EML5: variants seen among roughly 807,000 people sequenced by gnomAD.
EML5 encodes the protein echinoderm microtubule-associated protein-like 5.
EML5 carries 120 observed loss-of-function variants against 250.0 expected under a neutral mutation model. The observed-to-expected ratio is 0.48, with a 90% confidence interval of 0.41 to 0.56. The LOEUF (loss-of-function observed/expected upper bound fraction) is 0.56. Among genes scored for constraint, EML5 ranks in the 20% least tolerant of loss-of-function variants. The pLI is 0.00. For missense variants in EML5, 2,006 were observed against 2,437.6 expected, an observed-to-expected ratio of 0.82 and a Z score of 3.73; for synonymous variants, 771 against 806.5, an observed-to-expected ratio of 0.96 and a Z score of 0.75.
At chr14:88,677,367 C>T (rs559540744) in intron 21 of EML5, among the ~76,000 whole-genome samples, 20 of 152,146 alleles carry the variant, frequency 1.3e-4, no homozygotes, top group Non-Finnish European at 2.4e-4. Flanking sequence ...AAAATCTAGG[C>T]AATACCATTC....
intron 5 of EML5, 88 bp from the exon 6 acceptor site, chr14:88,739,102 A>G (rs1056713915): frequency 2.3e-5 from 29 of 1,276,768 alleles, no homozygotes; most frequent in Non-Finnish European, 2.8e-5. Context: ...AACCAATTTA[A>G]CAATATTTTG....
intron 17 of EML5, among the ~76,000 whole-genome samples, chr14:88,690,319 T>C (rs1237132695): frequency 1.3e-5 from 2 of 152,226 alleles, no homozygotes; most frequent in Non-Finnish European, 2.9e-5. Context: ...TCATTCTGAC[T>C]TCTGGATTGA....
At chr14:88,645,967 T>C (rs2091329797) in intron 29 of EML5, among the ~76,000 whole-genome samples, 1 of 152,154 alleles carries the variant, frequency 6.6e-6, no homozygotes, top group African/African-American at 2.4e-5. Context: ...TTTAATTTTT[T>C]TAAAAAATGC....
chr14:88,770,349 G>C (rs2094377400), intron 1 of EML5, among the ~76,000 whole-genome samples: 1 of 151,958 alleles, frequency 6.6e-6, no homozygotes, highest in Non-Finnish European at 1.5e-5. Context: ...GCTTTTTCTA[G>C]AAATTTTATA....
chr14:88,640,925 C>G (rs1038446781), intron 31 of EML5, among the ~76,000 whole-genome samples: 1 of 151,910 alleles, frequency 6.6e-6, no homozygotes, highest in Non-Finnish European at 1.5e-5. Flanking sequence ...CTATTATGAA[C>G]ACCTCTAAAT....
chr14:88,688,307 A>C lies in EML5; in HGVS notation c.2706T>G (p.His902Gln), dbSNP rs554955477. 1 of 1,613,828 alleles carries C rather than the reference A, an allele frequency of 6.2e-7. No homozygotes were observed. Residue 902 changes from histidine to glutamine, a missense_variant, in exon 18 of 44, where the codon CAT becomes CAG. By Grantham distance (24) the His-to-Gln change is conservative. Coordinates refer to ENST00000554922, the MANE Select transcript of EML5 (RefSeq NM_183387.3). ...CATGCATACTGAACACTGGCCCATC[A>C]TGCGCTTTCACTGTTTTTACAAGAA... ...DIFLVKTVKAHDGPVFSMHAL... is the reference protein window; with the variant it reads ...DIFLVKTVKAQDGPVFSMHAL...
intron 21 of EML5, among the ~76,000 whole-genome samples, chr14:88,670,488 C>G (rs920146502): frequency 2.0e-4 from 31 of 152,118 alleles, no homozygotes; most frequent in African/African-American, 7.0e-4. Flanking sequence ...GCTGCAAACT[C>G]AAAAAGCCAG....
At chr14:88,702,680 G>T in intron 13 of EML5, 48 bp from the exon 14 acceptor site, 1 of 1,324,820 alleles carries the variant, frequency 7.5e-7, no homozygotes, top group South Asian at 1.5e-5. Flanking sequence ...CCTTTTATCT[G>T]ATCAATACAG....
intron 8 of EML5, among the ~76,000 whole-genome samples, chr14:88,723,443 G>A (rs938027830): frequency 1.3e-5 from 2 of 152,162 alleles, no homozygotes; most frequent in Non-Finnish European, 2.9e-5. Flanking sequence ...ACAGGGATTA[G>A]GAGTACAGGT....
intron 1 of EML5, among the ~76,000 whole-genome samples, chr14:88,763,053 G>A: frequency 6.6e-6 from 1 of 152,180 alleles, no homozygotes; most frequent in East Asian, 1.9e-4. Context: ...ACAGGTGAAA[G>A]TGGGAAAGAT....
At chr14:88,774,330 T>TA (rs1219450539) in intron 1 of EML5, among the ~76,000 whole-genome samples, 1 of 152,220 alleles carries the variant, frequency 6.6e-6, no homozygotes, top group Non-Finnish European at 1.5e-5. Flanking sequence ...GTCATTTTTT[T>TA]AATAACCAAG....
At chr14:88,662,339 GTTTTTTTTTTTTT>G (rs71127000) in intron 24 of EML5, among the ~76,000 whole-genome samples, 4 of 55,658 alleles carry the variant, frequency 7.2e-5, no homozygotes, top group African/African-American at 2.6e-4. Context: ...AATTTTTCTT[GTTTTTTTTTTTTT>G]TTTTTTTTTT....
chr14:88,693,937 ATTT>A (rs546736691), intron 17 of EML5, among the ~76,000 whole-genome samples: 1 of 137,252 alleles, frequency 7.3e-6, no homozygotes, highest in Non-Finnish European at 1.6e-5. Context: ...TGCCCAGCTA[ATTT>A]TTTTTTTTTT....
At chr14:88,720,945 A>C (rs1466109553) in intron 8 of EML5, among the ~76,000 whole-genome samples, 1 of 152,178 alleles carries the variant, frequency 6.6e-6, no homozygotes. Context: ...ATATAAAATC[A>C]ATGTGTAAAA....
chr14:88,622,523 A>C, intron 37 of EML5, 81 bp downstream of exon 37: 1 of 1,109,462 alleles, frequency 9.0e-7, no homozygotes, highest in Non-Finnish European at 1.3e-6. Context: ...ATTGTTCATT[A>C]GGCTGCAAAG....
intron 14 of EML5, among the ~76,000 whole-genome samples, chr14:88,699,586 T>C (rs891329588): frequency 9.2e-5 from 14 of 151,882 alleles, no homozygotes; most frequent in Admixed American, 8.5e-4. Flanking sequence ...ATGGGAAAAA[T>C]GGATAGAGGA....
Position 88,686,051 on chromosome 14 carries a change from C to T in EML5, c.2855-909G>A, listed in dbSNP as rs10137515. On this transcript the variant is annotated intron_variant, in intron 19 of 43. Transcript: ENST00000554922. ...CAGAGCATACAGTGAGGAAAACAGA[C>T]CCTGTGTTAGGGGCATATTGAAATG... Among the ~76,000 whole-genome samples, 1,189 of 152,062 alleles carry T rather than the reference C, an allele frequency of 7.8e-3. 17 individuals carry two copies. Among genetic ancestry groups the T allele is most frequent in the African/African-American group, 0.027 (1,137 of 41,456 alleles).
rs2087450572 is a variant in EML5, at chr14:88,615,461, A to G, written c.*357T>C. The G allele has an allele frequency of 4.9e-6, 1 of 203,776 alleles. No homozygotes were observed. Among genetic ancestry groups the G allele is most frequent in the Non-Finnish European group, 9.8e-6 (1 of 102,148 alleles). The allele number at this position is 203,776 out of a possible 1,614,324, so 12.6% of individuals were successfully genotyped here. A position where few individuals can be genotyped will look rare whatever the true frequency, so the allele number is the denominator to read the frequency against. On this transcript the variant is annotated 3_prime_UTR_variant, in exon 44 of 44. Coordinates refer to ENST00000554922, the MANE Select transcript of EML5 (RefSeq NM_183387.3). Reference sequence around the variant, plus strand: ...AAACCATTTTGCTAAAAAGATAATGAAAATTATCCAAATTGGGTTTTTGAG... The same window carrying G: ...AAACCATTTTGCTAAAAAGATAATGGAAATTATCCAAATTGGGTTTTTGAG...
At chr14:88,769,284 T>C (rs1479039265) in intron 1 of EML5, among the ~76,000 whole-genome samples, 5 of 152,126 alleles carry the variant, frequency 3.3e-5, no homozygotes, top group Admixed American at 6.5e-5. Flanking sequence ...GTTCTCATGA[T>C]AGTGAGTTCT....
Sources: gnomAD v4.1 joint callset for allele counts (sites outside exome capture counted in the v4.1 genomes callset) on GRCh38, gnomAD v4.1.1 for gene constraint, MANE v1.5 for transcripts, NCBI Gene and HGNC (gene_info 2026-07-23, HGNC 2026-07-21) for gene names.